The following ERC1 variants were observed in gnomAD, a reference collection of about 807,000 sequenced individuals.
ERC1 encodes ELKS/RAB6-interacting/CAST family member 1.
ERC1 carries 56 observed loss-of-function variants against 132.0 expected under a neutral mutation model. That is an observed-to-expected ratio of 0.42 (90% CI 0.34 to 0.53). The LOEUF (loss-of-function observed/expected upper bound fraction) is 0.53. Among genes scored for constraint, ERC1 ranks in the 20% least tolerant of loss-of-function variants. The pLI, the probability that ERC1 is intolerant of heterozygous loss-of-function variation, is 0.03. For missense variants in ERC1, 1,202 were observed against 1,349.9 expected (o/e 0.89, Z 1.72); for synonymous variants, 478 against 476.1 (o/e 1.00, Z -0.05).
rs1201134703 is a variant in ERC1, at chr12:1,138,702, G to A, written c.1570-2918G>A. Among the ~76,000 whole-genome samples the A allele has an allele frequency of 2.6e-5, 4 of 152,090 alleles. No individual in the cohort carries two copies. In the East Asian group the frequency reaches 7.7e-4, roughly 29 times the overall value. ...AAGGAAAGTATAGTATTTATTCAGA[G>A]AATGGCAGTACTGCTGCAATGGAGA... is the stretch of plus-strand genomic sequence containing the variant. On this transcript the variant is annotated intron_variant, in intron 7 of 18. Coordinates refer to ENST00000360905, the MANE Select transcript of ERC1 (RefSeq NM_178040.4).
chr12:1,256,066 T>A (rs2076792430), intron 13 of ERC1, among the ~76,000 whole-genome samples: 1 of 152,172 alleles, frequency 6.6e-6, no homozygotes, highest in African/African-American at 2.4e-5. Context: ...TCTGTTCATA[T>A]CCTTTGCCCA....
chr12:1,102,744 T>C (rs1452198958), intron 3 of ERC1, among the ~76,000 whole-genome samples: 1 of 152,102 alleles, frequency 6.6e-6, no homozygotes, highest in African/African-American at 2.4e-5. Context: ...ACATAATAAA[T>C]CATAAAATAT....
chr12:1,083,419 A>C lies in ERC1; in HGVS notation c.925A>C (p.Ile309Leu). 6.2e-7 allele frequency: 1 copy of C among 1,614,194 alleles called. No homozygotes were observed. Among genetic ancestry groups the C allele is most frequent in the South Asian group, 1.1e-5 (1 of 91,082 alleles). The change falls in exon 3 of 19, where the codon ATT becomes CTT. Residue 309 changes from isoleucine (I) to leucine (L), a missense_variant. Coordinates refer to ENST00000360905, the MANE Select transcript of ERC1 (RefSeq NM_178040.4). Reference sequence around the variant, plus strand: ...GACCCTAAATGCTCGGGATGAATCCATTAAGAAGCTTCTGGAAATGTTGCA... The same window carrying C: ...GACCCTAAATGCTCGGGATGAATCCCTTAAGAAGCTTCTGGAAATGTTGCA... Reference protein sequence around the residue: ...KQTLNARDESIKKLLEMLQSK... With the variant: ...KQTLNARDESLKKLLEMLQSK...
At position 1,337,206 on chromosome 12, in the gene ERC1, C is replaced by A. The variant is rs1183279565; in HGVS notation, c.2781-34627C>A. Among the ~76,000 whole-genome samples the A allele has an allele frequency of 2.0e-5, 3 of 152,066 alleles. No homozygotes were observed. The East Asian group carries it at 5.8e-4, about 29-fold the overall frequency. On this transcript the variant is annotated intron_variant, in intron 15 of 18. Transcript: ENST00000360905. The stretch of plus-strand genomic sequence containing the variant: ...AAGTCTCTCTGAAGGTCTCTAAGAA[C>A]TTGCTTCCTGAATCCGGGTGCTCCT...
At chr12:1,336,693 C>T (rs2083343394) in intron 15 of ERC1, among the ~76,000 whole-genome samples, 2 of 152,080 alleles carry the variant, frequency 1.3e-5, no homozygotes, top group Admixed American at 6.6e-5. Context: ...GAGTATGTGC[C>T]ATGCGAAGGT....
At chr12:1,177,507 A>G (rs1953870352) in intron 8 of ERC1, among the ~76,000 whole-genome samples, 1 of 152,164 alleles carries the variant, frequency 6.6e-6, no homozygotes, top group South Asian at 2.1e-4. Context: ...TTGTGTTTCA[A>G]GGAATAGGAA....
At chr12:1,399,643 T>G (rs1195631786) in intron 16 of ERC1, among the ~76,000 whole-genome samples, 2 of 152,000 alleles carry the variant, frequency 1.3e-5, no homozygotes, top group Non-Finnish European at 2.9e-5. Context: ...AATAATATAC[T>G]ATGTTGCCTT....
intron 15 of ERC1, among the ~76,000 whole-genome samples, chr12:1,367,627 T>C (rs2086786321): frequency 6.6e-6 from 1 of 152,182 alleles, no homozygotes; most frequent in Non-Finnish European, 1.5e-5. Context: ...TTGAGCTCCA[T>C]TTGCCTTTGA....
intron 17 of ERC1, among the ~76,000 whole-genome samples, chr12:1,421,429 A>T (rs1415149188): frequency 1.3e-5 from 2 of 152,132 alleles, no homozygotes; most frequent in Non-Finnish European, 2.9e-5. Flanking sequence ...GGGCTAAGGA[A>T]CGGGTACTGC....
chr12:1,162,197 T>C (rs1350894629), intron 8 of ERC1, among the ~76,000 whole-genome samples: 1 of 152,218 alleles, frequency 6.6e-6, no homozygotes, highest in Non-Finnish European at 1.5e-5. Context: ...GGGATTAGTA[T>C]TGGGCTCCTC....
intron 7 of ERC1, among the ~76,000 whole-genome samples, chr12:1,124,807 G>T (rs943976607): frequency 6.6e-6 from 1 of 151,880 alleles, no homozygotes; most frequent in Non-Finnish European, 1.5e-5. Flanking sequence ...AATTATATTC[G>T]AATAAGCTTG....
chr12:1,178,320 G>A (rs893929073), intron 8 of ERC1, among the ~76,000 whole-genome samples: 2 of 152,094 alleles, frequency 1.3e-5, no homozygotes, highest in African/African-American at 4.8e-5. Context: ...GTTTATGGAA[G>A]TCCAAACTTA....
At chr12:1,014,235 G>A (rs946005884) in intron 1 of ERC1, among the ~76,000 whole-genome samples, 1 of 152,120 alleles carries the variant, frequency 6.6e-6, no homozygotes, top group African/African-American at 2.4e-5. Flanking sequence ...GGATGCAGTG[G>A]TGTGTTCTTG....
At chr12:1,376,851 A>G (rs1310074165) in intron 16 of ERC1, among the ~76,000 whole-genome samples, 1 of 152,214 alleles carries the variant, frequency 6.6e-6, no homozygotes, top group Non-Finnish European at 1.5e-5. Flanking sequence ...AAGAACCAGA[A>G]ACAAAAAAGA....
chr12:1,051,289 G>A (rs1260999142), intron 2 of ERC1, among the ~76,000 whole-genome samples: 1 of 152,098 alleles, frequency 6.6e-6, no homozygotes, highest in Non-Finnish European at 1.5e-5. Context: ...TAATCGTAAT[G>A]TATATTCTGG....
chr12:1,298,662 A>T (rs574991458), intron 15 of ERC1, among the ~76,000 whole-genome samples: 1 of 152,162 alleles, frequency 6.6e-6, no homozygotes, highest in African/African-American at 2.4e-5. Context: ...AGGAACAACA[A>T]ATAAAGAACA....
At chr12:1,333,579 T>C (rs544040007) in intron 15 of ERC1, among the ~76,000 whole-genome samples, 12 of 151,934 alleles carry the variant, frequency 7.9e-5, no homozygotes, top group South Asian at 2.1e-4. Context: ...GATCCACCCA[T>C]CTCAGCCTCC....
At position 1,392,631 on chromosome 12, in the gene ERC1, G is replaced by C. The variant is rs2090069327; in HGVS notation, c.2926-15518G>C. On this transcript the variant is annotated intron_variant, in intron 16 of 18. Transcript: ENST00000360905. ...CTTAATGGGTATTCATTTCTTATCA[G>C]AATCAATCTATACCTGATACTTGTA... Among the ~76,000 whole-genome samples, 4 of 152,020 alleles carry C rather than the reference G, an allele frequency of 2.6e-5. No homozygotes were observed. In the South Asian group the frequency reaches 8.3e-4, roughly 31 times the overall value.
chr12:1,118,047 G>A (rs886692546), intron 7 of ERC1, among the ~76,000 whole-genome samples: 11 of 152,144 alleles, frequency 7.2e-5, no homozygotes, highest in African/African-American at 1.7e-4. Context: ...CCCCTCAATC[G>A]TGTATCCTTT....
Sources: allele counts gnomAD v4.1 joint callset (sites outside exome capture counted in the v4.1 genomes callset), GRCh38; gene constraint gnomAD v4.1.1; transcripts MANE v1.5; gene names NCBI Gene and HGNC (gene_info 2026-07-23, HGNC 2026-07-21).